The following PRKACB variants were observed in gnomAD, a reference collection of about 807,000 sequenced individuals.
PRKACB encodes cAMP-dependent protein kinase catalytic subunit beta.
Under a neutral mutation model 51.4 loss-of-function variants are expected in PRKACB, and 16 were observed. The observed-to-expected ratio is 0.31, with a 90% CI of 0.21 to 0.47. PRKACB has a LOEUF of 0.47. Among genes scored for constraint, PRKACB ranks in the 20% least tolerant of loss-of-function variants. The pLI is 1.00. For missense variants in PRKACB, 309 were observed against 464.5 expected, an observed-to-expected ratio of 0.67 and a Z score of 3.08; for synonymous variants, 147 against 154.4, an observed-to-expected ratio of 0.95 and a Z score of 0.35.
intron 1 of PRKACB, among the ~76,000 whole-genome samples, chr1:84,105,943 C>T (rs1354065055): frequency 6.6e-6 from 1 of 151,756 alleles, no homozygotes; most frequent in Non-Finnish European, 1.5e-5. Context: ...AGGATTCAAC[C>T]AGCCATGAAT....
At chr1:84,111,246 T>C (rs996341968) in intron 1 of PRKACB, among the ~76,000 whole-genome samples, 1 of 152,122 alleles carries the variant, frequency 6.6e-6, no homozygotes. Context: ...TAAGACTTTG[T>C]TATTACTATG....
chr1:84,229,463 G>C (rs1307073576), intron 9 of PRKACB, among the ~76,000 whole-genome samples: 3 of 126,624 alleles, frequency 2.4e-5, no homozygotes, highest in Non-Finnish European at 4.9e-5. Flanking sequence ...GGGATGGCTG[G>C]GTCAAATGGT....
intron 5 of PRKACB, among the ~76,000 whole-genome samples, chr1:84,192,823 C>G (rs1667180278): frequency 6.6e-6 from 1 of 152,128 alleles, no homozygotes; most frequent in Admixed American, 6.6e-5. Context: ...GCTGGAGTCT[C>G]AGAAAATATC....
chr1:84,231,458 C>T (rs1400885484), intron 9 of PRKACB, among the ~76,000 whole-genome samples: 1 of 152,104 alleles, frequency 6.6e-6, no homozygotes, highest in Non-Finnish European at 1.5e-5. Context: ...GGAGGATTCC[C>T]TCTTTTTCTA....
intron 1 of PRKACB, among the ~76,000 whole-genome samples, chr1:84,159,203 A>G (rs1042611808): frequency 6.6e-6 from 1 of 152,130 alleles, no homozygotes; most frequent in East Asian, 1.9e-4. Context: ...TAGAGATTAT[A>G]TATTGAGTTC....
intron 1 of PRKACB, among the ~76,000 whole-genome samples, chr1:84,177,787 C>A (rs932490827): frequency 1.8e-4 from 28 of 151,852 alleles, no homozygotes; most frequent in Middle Eastern, 6.8e-3. Context: ...AATTTGCCAC[C>A]CTTAATCCAC....
At position 84,093,639 on chromosome 1, in the gene PRKACB, G is replaced by A. The variant is rs112356343; in HGVS notation, c.46+15268G>A. Among the ~76,000 whole-genome samples, 232 of 151,558 alleles carry A rather than the reference G, an allele frequency of 1.5e-3. 2 individuals carry two copies. Among genetic ancestry groups the A allele is most frequent in the African/African-American group, 5.2e-3 (215 of 41,352 alleles). ...TTTTCACATACATAATTATATACAC[G>A]AACCTTATAGGAATCTTGAGATTGC... On this transcript the variant is annotated intron_variant, in intron 1 of 8. Coordinates refer to the PRKACB transcript ENST00000370688.
At chr1:84,113,346 AAAAGG>A (rs1650383873) in intron 1 of PRKACB, among the ~76,000 whole-genome samples, 1 of 152,190 alleles carries the variant, frequency 6.6e-6, no homozygotes, top group Non-Finnish European at 1.5e-5. Context: ...ATACATGTTC[AAAAGG>A]AAGTATGTAT....
chr1:84,123,234 T>C (rs1208398173), intron 1 of PRKACB, among the ~76,000 whole-genome samples: 1 of 152,170 alleles, frequency 6.6e-6, no homozygotes, highest in Non-Finnish European at 1.5e-5. Context: ...TATGGAGTTG[T>C]AGTTAATTTT....
intron 9 of PRKACB, among the ~76,000 whole-genome samples, chr1:84,223,286 A>G (rs1470650552): frequency 6.7e-6 from 1 of 149,870 alleles, no homozygotes; most frequent in African/African-American, 2.5e-5. Context: ...GATATAGTCT[A>G]TTGACAAAGC....
At chr1:84,215,916 G>T (rs1016143863) in intron 9 of PRKACB, among the ~76,000 whole-genome samples, 2 of 150,802 alleles carry the variant, frequency 1.3e-5, no homozygotes, top group African/African-American at 4.9e-5. Context: ...TAATGTTTTA[G>T]AGACATGTCA....
chr1:84,206,076 C>A (rs1366017132), intron 8 of PRKACB, among the ~76,000 whole-genome samples: 1 of 152,016 alleles, frequency 6.6e-6, no homozygotes, highest in African/African-American at 2.4e-5. Context: ...ATATTGCAGT[C>A]AAAAATTATA....
intron 1 of PRKACB, among the ~76,000 whole-genome samples, chr1:84,161,610 A>C (rs1656205652): frequency 1.3e-5 from 2 of 151,848 alleles, no homozygotes; most frequent in Admixed American, 1.3e-4. Context: ...TAAAATTTAA[A>C]AGGCATTTTC....
intron 8 of PRKACB, among the ~76,000 whole-genome samples, chr1:84,207,973 T>C (rs1223429290): frequency 6.6e-6 from 1 of 152,216 alleles, no homozygotes; most frequent in African/African-American, 2.4e-5. Context: ...GTTCAAGTGA[T>C]TCTCCTGCCT....
intron 1 of PRKACB, among the ~76,000 whole-genome samples, chr1:84,081,919 T>A (rs1182496982): frequency 1.3e-5 from 2 of 152,208 alleles, no homozygotes; most frequent in Non-Finnish European, 2.9e-5. Flanking sequence ...AGAGTATCTC[T>A]CTGTCCTGTG....
intron 1 of PRKACB, among the ~76,000 whole-genome samples, chr1:84,163,212 C>T (rs1487690201): frequency 1.3e-5 from 2 of 151,928 alleles, no homozygotes; most frequent in Non-Finnish European, 2.9e-5. Flanking sequence ...AAGTCTGTAC[C>T]AGCTTTAACT....
At chr1:84,150,666 C>A (rs1013331107) in intron 1 of PRKACB, among the ~76,000 whole-genome samples, 5 of 152,134 alleles carry the variant, frequency 3.3e-5, no homozygotes, top group African/African-American at 1.2e-4. Flanking sequence ...TGTGACATGC[C>A]TGCTCCCTCT....
intron 8 of PRKACB, among the ~76,000 whole-genome samples, chr1:84,212,295 C>T (rs974144958): frequency 7.4e-5 from 11 of 148,972 alleles, no homozygotes; most frequent in Non-Finnish European, 1.5e-4. Context: ...ATCCTTTTGT[C>T]TCCCAGTTTA....
At chr1:84,199,592 G>T (rs1281001633) in intron 7 of PRKACB, among the ~76,000 whole-genome samples, 1 of 152,128 alleles carries the variant, frequency 6.6e-6, no homozygotes, top group Non-Finnish European at 1.5e-5. Flanking sequence ...TTGCTTTTGT[G>T]AATAGTGCCA....
Sources: allele counts gnomAD v4.1 joint callset (sites outside exome capture counted in the v4.1 genomes callset), GRCh38; gene constraint gnomAD v4.1.1; transcripts MANE v1.5; gene names NCBI Gene and HGNC (gene_info 2026-07-23, HGNC 2026-07-21).